The following PABPC4L variants were observed in gnomAD, a reference collection of about 807,000 sequenced individuals.
The protein encoded by PABPC4L is polyadenylate-binding protein 4-like.
For missense variants in PABPC4L, 452 were observed against 451.4 expected (o/e 1.00, Z -0.01); for synonymous variants, 169 against 164.1 (o/e 1.03, Z -0.23).
chr4:134,024,497 A>G, the PABPC4L span, among the ~76,000 whole-genome samples: 2 of 152,044 alleles, frequency 1.3e-5, no homozygotes, highest in Admixed American at 6.6e-5. Flanking sequence ...TCTTCTGCCA[A>G]TGTTCATGGG....
At chr4:134,182,648 A>G in the PABPC4L span, among the ~76,000 whole-genome samples, 1 of 152,020 alleles carries the variant, frequency 6.6e-6, no homozygotes, top group Non-Finnish European at 1.5e-5. Flanking sequence ...AGAAACTATC[A>G]ACAGAATAAC....
chr4:134,169,765 A>G, the PABPC4L span, among the ~76,000 whole-genome samples: 1 of 152,170 alleles, frequency 6.6e-6, no homozygotes, highest in Non-Finnish European at 1.5e-5. Context: ...ACTATGAGTC[A>G]TTGATGAAAG....
the PABPC4L span, among the ~76,000 whole-genome samples, chr4:134,020,898 G>C: frequency 6.6e-6 from 1 of 152,058 alleles, no homozygotes; most frequent in Non-Finnish European, 1.5e-5. Context: ...TGCTTTTCCT[G>C]TCAGAGTGTT....
At chr4:134,004,983 T>G in the PABPC4L span, among the ~76,000 whole-genome samples, 1 of 151,832 alleles carries the variant, frequency 6.6e-6, no homozygotes, top group Non-Finnish European at 1.5e-5. Context: ...AGTGGAGAGA[T>G]GTTGGCTAAA....
At position 134,201,761 on chromosome 4, in the gene PABPC4L, C is replaced by T. The variant is rs541514631; in HGVS notation, c.-270G>A. 3 of 152,592 alleles carry T rather than the reference C, an allele frequency of 2.0e-5. No individual in the cohort carries two copies. The South Asian group carries it at 6.2e-4, about 31-fold the overall frequency. The allele number at this position is 152,592 out of a possible 1,614,324, so 9.5% of individuals were successfully genotyped here. On this transcript the variant is annotated 5_prime_UTR_variant, in exon 1 of 2. Transcript: ENST00000421491. ...GGGCGGGAAGCCCGGAACTCGCGCG[C>T]TGAACTTCCCGCGCACTCGCTGCCA... is the stretch of plus-strand genomic sequence containing the variant.
chr4:134,167,987 C>T, the PABPC4L span, among the ~76,000 whole-genome samples: 17 of 152,134 alleles, frequency 1.1e-4, no homozygotes, highest in East Asian at 2.9e-3. Context: ...GCCAACTTCA[C>T]ATTCTTCTCC....
At chr4:134,073,497 T>G in the PABPC4L span, among the ~76,000 whole-genome samples, 1 of 151,968 alleles carries the variant, frequency 6.6e-6, no homozygotes, top group Admixed American at 6.6e-5. Context: ...GGCTTTTCCA[T>G]GTGCACAGTG....
At chr4:134,062,287 A>G in the PABPC4L span, among the ~76,000 whole-genome samples, 6 of 151,876 alleles carry the variant, frequency 4.0e-5, no homozygotes, top group African/African-American at 1.2e-4. Context: ...GTATATGATG[A>G]TTTTTCATGA....
chr4:134,142,385 A>T, the PABPC4L span, among the ~76,000 whole-genome samples: 1 of 151,754 alleles, frequency 6.6e-6, no homozygotes, highest in African/African-American at 2.4e-5. Flanking sequence ...GCATAGTCGA[A>T]CCTTCTTATA....
At chr4:134,104,742 T>C in the PABPC4L span, among the ~76,000 whole-genome samples, 2 of 151,758 alleles carry the variant, frequency 1.3e-5, no homozygotes, top group Non-Finnish European at 2.9e-5. Context: ...ATCTCTCATA[T>C]AATGGGTTTC....
the PABPC4L span, among the ~76,000 whole-genome samples, chr4:134,027,966 C>T: frequency 6.6e-6 from 1 of 152,098 alleles, no homozygotes; most frequent in Non-Finnish European, 1.5e-5. Context: ...TTCTAAGTTA[C>T]TAAGTTTTTG....
chr4:134,031,736 AAG>A, the PABPC4L span, among the ~76,000 whole-genome samples: 2 of 151,930 alleles, frequency 1.3e-5, no homozygotes, highest in Non-Finnish European at 2.9e-5. Context: ...CAGAAAAAAT[AAG>A]AGAGATGATA....
At chr4:134,021,491 G>C in the PABPC4L span, among the ~76,000 whole-genome samples, 5 of 152,226 alleles carry the variant, frequency 3.3e-5, no homozygotes, top group East Asian at 7.7e-4. Flanking sequence ...GAAAGGTCCT[G>C]GGACAGAAAG....
the PABPC4L span, among the ~76,000 whole-genome samples, chr4:134,066,014 C>T: frequency 6.6e-6 from 1 of 151,884 alleles, no homozygotes; most frequent in Non-Finnish European, 1.5e-5. Flanking sequence ...GTTCAACTTG[C>T]AGTATAATTT....
At chr4:134,081,021 A>G in the PABPC4L span, among the ~76,000 whole-genome samples, 1 of 152,316 alleles carries the variant, frequency 6.6e-6, no homozygotes, top group East Asian at 1.9e-4. Flanking sequence ...TTTCTATTAT[A>G]GACATCTAAT....
At chr4:134,090,962 T>C in the PABPC4L span, among the ~76,000 whole-genome samples, 112 of 152,128 alleles carry the variant, frequency 7.4e-4, no homozygotes, top group Middle Eastern at 3.4e-3. Flanking sequence ...CCCCTAAATT[T>C]TTCTGGTAAT....
the PABPC4L span, among the ~76,000 whole-genome samples, chr4:134,019,509 T>G: frequency 5.9e-5 from 9 of 152,180 alleles, no homozygotes. Context: ...AGCAACAACA[T>G]AGTAGAGCAC....
chr4:134,129,576 T>C, the PABPC4L span, among the ~76,000 whole-genome samples: 2 of 151,964 alleles, frequency 1.3e-5, no homozygotes, highest in Non-Finnish European at 2.9e-5. Flanking sequence ...TGAATGATCA[T>C]TGGGTCAACA....
At chr4:134,015,994 C>T in the PABPC4L span, among the ~76,000 whole-genome samples, 685 of 152,106 alleles carry the variant, frequency 4.5e-3, 34 homozygotes, top group Admixed American at 0.04. Context: ...CACATTATTC[C>T]GGATACCACA....
Sources: gnomAD v4.1 joint callset for allele counts (sites outside exome capture counted in the v4.1 genomes callset) on GRCh38, gnomAD v4.1.1 for gene constraint, MANE v1.5 for transcripts, NCBI Gene and HGNC (gene_info 2026-07-23, HGNC 2026-07-21) for gene names.